Variants in SMG6 observed in about 807,000 individuals in gnomAD.
SMG6 encodes the protein telomerase-binding protein EST1A.
In SMG6, 66 loss-of-function variants were observed where a neutral mutation model predicts 142.2. That is an observed-to-expected ratio of 0.46 (90% CI 0.38 to 0.57). The LOEUF is 0.57. SMG6 is among the 20% of genes least tolerant of loss of function. The pLI, the probability that SMG6 is intolerant of heterozygous loss-of-function variation, is 0.00. For missense variants in SMG6, 1,793 were observed against 1,832.0 expected (o/e 0.98, Z 0.39); for synonymous variants, 779 against 702.4 (o/e 1.11, Z -1.72).
intron 12 of SMG6, among the ~76,000 whole-genome samples, chr17:2,181,240 G>A (rs768500674): frequency 2.0e-5 from 3 of 152,322 alleles, no homozygotes; most frequent in Non-Finnish European, 4.4e-5. Context: ...AACAAAAGAA[G>A]GAAGGTGCAA....
intron 13 of SMG6, among the ~76,000 whole-genome samples, chr17:2,104,571 G>A (rs2069102936): frequency 6.6e-6 from 1 of 152,024 alleles, no homozygotes. Flanking sequence ...GTTCAGGGTA[G>A]TGGCAGGTAG....
chr17:2,292,513 C>T (rs1482465287), intron 6 of SMG6, 39 bp downstream of exon 6: 1 of 1,590,882 alleles, frequency 6.3e-7, no homozygotes, highest in African/African-American at 1.3e-5. Flanking sequence ...TAAGATACTT[C>T]CTGCAAAGCA....
At chr17:2,223,467 T>G (rs2073234111) in intron 10 of SMG6, among the ~76,000 whole-genome samples, 1 of 152,100 alleles carries the variant, frequency 6.6e-6, no homozygotes, top group South Asian at 2.1e-4. Flanking sequence ...AAAAGGAAAC[T>G]GAGACATACA....
intron 13 of SMG6, among the ~76,000 whole-genome samples, chr17:2,092,005 G>C (rs982066828): frequency 4.3e-4 from 63 of 148,022 alleles, no homozygotes; most frequent in African/African-American, 1.5e-3. Context: ...TTTTTTTTGA[G>C]ACAGAGTCTT....
At chr17:2,300,774 G>T in intron 1 of SMG6, 110 bp from the exon 2 acceptor site, 1 of 958,804 alleles carries the variant, frequency 1.0e-6, no homozygotes, top group Non-Finnish European at 1.5e-6. Context: ...AGTCGAGCAA[G>T]AATTACATAT....
At chr17:2,094,527 C>A (rs1333057491) in intron 13 of SMG6, among the ~76,000 whole-genome samples, 1 of 152,190 alleles carries the variant, frequency 6.6e-6, no homozygotes, top group East Asian at 1.9e-4. Flanking sequence ...GCGTGAGCCA[C>A]TTTGCTTGGC....
chr17:2,235,488 A>G (rs531479010), intron 10 of SMG6, among the ~76,000 whole-genome samples: 2 of 152,318 alleles, frequency 1.3e-5, no homozygotes, highest in South Asian at 2.1e-4. Context: ...AATCAACTTC[A>G]TGGTGAGAGA....
chr17:2,256,176 T>G (rs1165073335), intron 8 of SMG6: 1 of 143,260 alleles, frequency 7.0e-6, no homozygotes, highest in African/African-American at 2.6e-5. Context: ...CCAAGAATGA[T>G]CAATAAAATA....
At chr17:2,198,666 T>C (rs1475765624) in intron 10 of SMG6, among the ~76,000 whole-genome samples, 1 of 152,000 alleles carries the variant, frequency 6.6e-6, no homozygotes. Context: ...TATTTCAAAA[T>C]AAAAAGCTTT....
intron 13 of SMG6, among the ~76,000 whole-genome samples, chr17:2,146,064 AAGGGCCTAGAAGAT>A (rs1369125120): frequency 1.3e-5 from 2 of 152,192 alleles, no homozygotes; most frequent in African/African-American, 4.8e-5. Flanking sequence ...ACAGGAGAAA[AAGGGCCTAGAAGAT>A]ATGATTAAAT....
Position 2,298,016 on chromosome 17 carries a change from T to C in SMG6, c.1887A>G (p.Leu629=), listed in dbSNP as rs1211172546. 3 of 1,612,748 alleles carry C rather than the reference T, an allele frequency of 1.9e-6. No individual in the cohort carries two copies. In the East Asian group the frequency reaches 6.7e-5, roughly 36 times the overall value. The change falls in exon 3 of 19, where the codon TTA becomes TTG. Residue 629 remains leucine, a synonymous_variant. Coordinates refer to ENST00000263073, the MANE Select transcript of SMG6 (RefSeq NM_017575.5). ...LLQLYERCIL[L]DIEFSDNQNV... ...TCTGATTATCAGAGAACTCAATATC[T>C]AATAGAATACAGCGCTCATATAGCT...
Position 2,299,802 on chromosome 17 carries a change from G to A in SMG6, c.951C>T (p.Pro317=), listed in dbSNP as rs747959755. 1.2e-6 allele frequency: 2 copies of A among 1,614,192 alleles called. No individual in the cohort carries two copies. The highest frequency in any genetic ancestry group is 2.2e-5 in the East Asian group (1 of 44,884). Residue 317 remains proline (P), a synonymous_variant, in exon 2 of 19, where the codon CCC becomes CCT. Coordinates refer to ENST00000263073, the MANE Select transcript of SMG6 (RefSeq NM_017575.5). The surrounding 1 kb of genome is among the most constrained non-coding windows in gnomAD (Gnocchi z 4.3). The part of the protein sequence containing the change: ...DRIDEPDGLG[P]RRSSERKRHL... ...GTCTCTTCCTTTCTGAACTTCTCCT[G>A]GGTCCTAATCCATCAGGCTCATCAA...
At chr17:2,228,018 G>C (rs554584086) in intron 10 of SMG6, among the ~76,000 whole-genome samples, 1 of 152,262 alleles carries the variant, frequency 6.6e-6, no homozygotes, top group South Asian at 2.1e-4. Context: ...AGTATGATTA[G>C]CACGATACCA....
intron 15 of SMG6, 110 bp downstream of exon 15, chr17:2,081,700 G>C (rs781344214): frequency 6.9e-6 from 9 of 1,303,854 alleles, no homozygotes; most frequent in African/African-American, 1.5e-5. Context: ...GAACACTGCA[G>C]GACTGACTCA....
intron 13 of SMG6, among the ~76,000 whole-genome samples, chr17:2,093,226 C>G (rs1235592951): frequency 6.7e-6 from 1 of 150,316 alleles, no homozygotes; most frequent in African/African-American, 2.5e-5. Flanking sequence ...CAAGCCTGGG[C>G]AACATAGTGA....
intron 15 of SMG6, among the ~76,000 whole-genome samples, chr17:2,070,928 AC>A: frequency 6.6e-6 from 1 of 151,858 alleles, no homozygotes; most frequent in East Asian, 1.9e-4. Flanking sequence ...GGTTCAGTAA[AC>A]CCCTCTGCCC....
chr17:2,169,133 T>C (rs1354050153), intron 13 of SMG6, among the ~76,000 whole-genome samples: 1 of 150,782 alleles, frequency 6.6e-6, no homozygotes, highest in Non-Finnish European at 1.5e-5. Flanking sequence ...TAGCTGGTCA[T>C]GGTGGCGTGC....
intron 13 of SMG6, chr17:2,088,054 C>G (rs1215193895): frequency 1.0e-6 from 1 of 985,360 alleles, no homozygotes; most frequent in Non-Finnish European, 1.2e-6. Flanking sequence ...GAGAAGAGGA[C>G]AGAGGAAAAG....
At chr17:2,116,231 C>T (rs1043927067) in intron 13 of SMG6, among the ~76,000 whole-genome samples, 2 of 151,888 alleles carry the variant, frequency 1.3e-5, no homozygotes, top group Non-Finnish European at 2.9e-5. Context: ...GCCACCCTGC[C>T]CAGCTATTTT....
Sources: allele counts gnomAD v4.1 joint callset (sites outside exome capture counted in the v4.1 genomes callset), GRCh38; gene constraint gnomAD v4.1.1; non-coding constraint Gnocchi (gnomAD v3.1); transcripts MANE v1.5; gene names NCBI Gene and HGNC (gene_info 2026-07-23, HGNC 2026-07-21).